Variants in TACC2 observed in about 807,000 individuals in gnomAD.
The protein encoded by TACC2 is transforming acidic coiled-coil-containing protein 2.
Under a neutral mutation model 227.3 loss-of-function variants are expected in TACC2, and 137 were observed. The ratio of observed to expected loss-of-function variants is 0.60; its 90% CI spans 0.52 to 0.69. The LOEUF (loss-of-function observed/expected upper bound fraction) is 0.69, where lower values mean the gene tolerates loss of function less well. TACC2 is among the 30% of genes least tolerant of loss of function. TACC2 has a pLI of 0.00. For synonymous variants in TACC2, 1,523 were observed against 1,487.5 expected, an observed-to-expected ratio of 1.02 and a Z score of -0.55; for missense variants, 3,470 against 3,694.4, an observed-to-expected ratio of 0.94 and a Z score of 1.57.
intron 5 of TACC2, among the ~76,000 whole-genome samples, chr10:122,125,346 C>A (rs2086625279): frequency 6.7e-6 from 1 of 148,330 alleles, no homozygotes; most frequent in African/African-American, 2.4e-5. Context: ...CAGGTGTGTG[C>A]CACCATGCCC....
Position 122,083,096 on chromosome 10 carries a change from G to C in TACC2, c.596G>C (p.Gly199Ala). The C allele has an allele frequency of 6.2e-7, 1 of 1,613,008 alleles. No homozygotes were observed. The highest frequency in any genetic ancestry group is 1.3e-5 in the African/African-American group (1 of 75,046). The change falls in exon 4 of 23, where the codon GGA (glycine) becomes GCA (alanine). Residue 199 changes from glycine to alanine, a missense_variant. Gly to Ala is a moderately conservative substitution (Grantham distance 60). This residue lies in a region of TACC2 where 405 missense variants were observed against 389.6 expected (regional missense o/e 1.04). Coordinates refer to ENST00000369005, the MANE Select transcript of TACC2 (RefSeq NM_206862.4). ...SFSSGIDQSP[G>A]MSPVPLREPM... ...TCCAGTGGCATCGACCAGTCACCTG[G>C]AATGTCGCCAGTACCCCTCAGAGAG...
chr10:122,125,556 A>T (rs1324200913), intron 5 of TACC2, among the ~76,000 whole-genome samples: 1 of 151,988 alleles, frequency 6.6e-6, no homozygotes. Context: ...AATCTGTGTC[A>T]CCTAGTTTCT....
intron 8 of TACC2, among the ~76,000 whole-genome samples, chr10:122,199,468 G>A (rs1272694745): frequency 2.0e-5 from 3 of 152,188 alleles, no homozygotes; most frequent in Non-Finnish European, 4.4e-5. Flanking sequence ...CTGTAGCCAC[G>A]GGAGACTTCC....
intron 3 of TACC2, among the ~76,000 whole-genome samples, chr10:122,075,726 C>G (rs2078719548): frequency 8.2e-6 from 1 of 122,624 alleles, no homozygotes; most frequent in African/African-American, 2.6e-5. Context: ...GCTAGTCAGT[C>G]TTACTTAGTC....
At chr10:122,026,680 T>A (rs2135662222) in intron 2 of TACC2, among the ~76,000 whole-genome samples, 2 of 149,868 alleles carry the variant, frequency 1.3e-5, no homozygotes, top group Middle Eastern at 6.8e-3. Context: ...TTTTACTGTC[T>A]ACAGGGTTTT....
intron 7 of TACC2, among the ~76,000 whole-genome samples, chr10:122,190,919 A>G (rs1436097654): frequency 2.6e-5 from 4 of 152,230 alleles, no homozygotes; most frequent in Non-Finnish European, 5.9e-5. Flanking sequence ...TATTACAAGC[A>G]TATTGTAAAT....
At chr10:122,146,496 G>T (rs2091389891) in intron 7 of TACC2, among the ~76,000 whole-genome samples, 1 of 151,948 alleles carries the variant, frequency 6.6e-6, no homozygotes, top group East Asian at 1.9e-4. Flanking sequence ...TTAATGGATT[G>T]CTGGGATATC....
At chr10:121,993,948 C>A (rs1015962320) in intron 1 of TACC2, among the ~76,000 whole-genome samples, 1 of 152,070 alleles carries the variant, frequency 6.6e-6, no homozygotes, top group African/African-American at 2.4e-5. Flanking sequence ...TTTCTTTTTT[C>A]TTTACATAAA....
chr10:122,036,661 C>A (rs953676670), intron 2 of TACC2, among the ~76,000 whole-genome samples: 1 of 152,024 alleles, frequency 6.6e-6, no homozygotes, highest in Non-Finnish European at 1.5e-5. Context: ...CCATCACACC[C>A]GGCTAATTTT....
chr10:122,167,842 G>T (rs2093264792), intron 7 of TACC2, among the ~76,000 whole-genome samples: 1 of 152,180 alleles, frequency 6.6e-6, no homozygotes, highest in Non-Finnish European at 1.5e-5. Context: ...GGTCGCTGGG[G>T]CTCTAAGCAG....
At chr10:122,102,800 C>T (rs949076756) in intron 5 of TACC2, among the ~76,000 whole-genome samples, 3 of 152,152 alleles carry the variant, frequency 2.0e-5, no homozygotes, top group African/African-American at 4.8e-5. Flanking sequence ...GGGAAAATGC[C>T]GAGGCCACAT....
intron 3 of TACC2, among the ~76,000 whole-genome samples, chr10:122,057,964 C>CGA (rs1392018987): frequency 6.6e-6 from 1 of 152,202 alleles, no homozygotes; most frequent in Admixed American, 6.5e-5. Context: ...CCAGCCCTTT[C>CGA]GAAAGACTTG....
intron 2 of TACC2, among the ~76,000 whole-genome samples, chr10:122,034,123 G>GC: frequency 7.4e-6 from 1 of 135,420 alleles, no homozygotes; most frequent in South Asian, 2.4e-4. Context: ...CTGCACTCCA[G>GC]CCTGGGTGAC....
At chr10:121,991,790 G>T (rs1289998068) in intron 1 of TACC2, among the ~76,000 whole-genome samples, 1 of 152,172 alleles carries the variant, frequency 6.6e-6, no homozygotes, top group Non-Finnish European at 1.5e-5. Context: ...TCATGCTGCC[G>T]ATAAAGACAT....
chr10:122,226,604 A>AT (rs61312157), intron 13 of TACC2, 123 bp downstream of exon 13: 10,308 of 299,960 alleles, frequency 0.034, 4 homozygotes, highest in South Asian at 0.038. Flanking sequence ...CATGCCACAT[A>AT]TTTTTTTTTT....
At position 122,108,187 on chromosome 10, in the gene TACC2, G is replaced by A. The variant is rs139994272; in HGVS notation, c.5573+19596G>A. On this transcript the variant is annotated intron_variant, in intron 5 of 22. Coordinates refer to ENST00000369005, the MANE Select transcript of TACC2 (RefSeq NM_206862.4). ...ATTACAGGCGTGAGCCACTGTGCCC[G>A]GCCAATTATATAATTCTTATGCCTT... 8.8e-3 allele frequency among the ~76,000 whole-genome samples: 1,333 copies of A among 151,788 alleles called. 19 individuals carry two copies. Among genetic ancestry groups the A allele is most frequent in the African/African-American group, 0.03 (1,263 of 41,422 alleles).
rs182918900 is a variant in TACC2, at chr10:122,196,733, G to T, written c.5971+1557G>T. Among the ~76,000 whole-genome samples the T allele has an allele frequency of 2.4e-3, 361 of 152,126 alleles. 1 individual carries two copies. The highest frequency in any genetic ancestry group is 8.6e-3 in the African/African-American group (357 of 41,492). On this transcript the variant is annotated intron_variant, in intron 8 of 22. Coordinates refer to ENST00000369005, the MANE Select transcript of TACC2 (RefSeq NM_206862.4). Reference sequence around the variant, plus strand: ...GGGCAGATCATGAGGTCAGGAGATGGAGACCATCCTGGCCAATACGGTGAA... The same window carrying T: ...GGGCAGATCATGAGGTCAGGAGATGTAGACCATCCTGGCCAATACGGTGAA...
At chr10:122,081,688 C>T (rs948219882) in intron 3 of TACC2, among the ~76,000 whole-genome samples, 1 of 152,140 alleles carries the variant, frequency 6.6e-6, no homozygotes, top group Non-Finnish European at 1.5e-5. Flanking sequence ...CTGAGTGTTT[C>T]ACTTTTTTTC....
At chr10:122,000,883 T>C (rs999032774) in intron 1 of TACC2, among the ~76,000 whole-genome samples, 1 of 152,194 alleles carries the variant, frequency 6.6e-6, no homozygotes, top group East Asian at 1.9e-4. Flanking sequence ...AGTGTAGTCA[T>C]GTGATCTTGG....
Sources: gnomAD v4.1 joint callset for allele counts (sites outside exome capture counted in the v4.1 genomes callset) on GRCh38, gnomAD v4.1.1 for gene constraint, gnomAD v4.1.1 regional missense constraint, MANE v1.5 for transcripts, NCBI Gene and HGNC (gene_info 2026-07-23, HGNC 2026-07-21) for gene names.